Variants in PDE2A observed in about 807,000 individuals in gnomAD.
PDE2A encodes the protein cGMP-dependent 3',5'-cyclic phosphodiesterase.
In PDE2A, 53 loss-of-function variants were observed where a neutral mutation model predicts 133.6. The observed-to-expected ratio is 0.40, with a 90% CI of 0.32 to 0.50. PDE2A has a LOEUF of 0.50. Ranked by LOEUF, PDE2A falls within the 20% of genes least tolerant of loss-of-function variation. The pLI, the probability that PDE2A is intolerant of heterozygous loss-of-function variation, is 0.73. For synonymous variants in PDE2A, 491 were observed against 490.2 expected, an observed-to-expected ratio of 1.00 and a Z score of -0.02; for missense variants, 796 against 1,232.4, an observed-to-expected ratio of 0.65 and a Z score of 5.30.
chr11:72,655,083 A>G (rs1591133649), intron 1 of PDE2A, among the ~76,000 whole-genome samples: 1 of 152,144 alleles, frequency 6.6e-6, no homozygotes, highest in African/African-American at 2.4e-5. Context: ...GAATGGCAGG[A>G]GGAAGGCAGG....
In PDE2A at chr11:72,590,389, G is replaced by A; in HGVS notation, c.703+38C>T. The A allele has an allele frequency of 6.3e-7, 1 of 1,577,264 alleles. No homozygotes were observed. Among genetic ancestry groups the A allele is most frequent in the Non-Finnish European group, 8.6e-7 (1 of 1,162,204 alleles). On this transcript the variant is annotated intron_variant, in intron 8 of 30. Transcript: ENST00000334456. The surrounding 1 kb of genome is among the most constrained non-coding windows in gnomAD (Gnocchi z 4.8). ...CCCACCTCCCCTCCAAGTTCTGCCC[G>A]GCCCCGCCCTCGTGACCTGTCCAGG...
intron 17 of PDE2A, 48 bp downstream of exon 17, chr11:72,584,824 G>T (rs1565150858): frequency 1.2e-6 from 2 of 1,609,616 alleles, no homozygotes; most frequent in South Asian, 1.1e-5. Flanking sequence ...GCCGCCGGCG[G>T]ACTCCCGGAC....
chr11:72,650,250 T>C (rs1854694413), intron 1 of PDE2A, among the ~76,000 whole-genome samples: 1 of 152,060 alleles, frequency 6.6e-6, no homozygotes, highest in African/African-American at 2.4e-5. Context: ...CTTGAAGTCC[T>C]GACCTCAAGT....
chr11:72,603,655 G>A (rs1274115556), intron 4 of PDE2A, among the ~76,000 whole-genome samples: 1 of 152,214 alleles, frequency 6.6e-6, no homozygotes, highest in African/African-American at 2.4e-5. Context: ...AGAGGAGAAA[G>A]GGGGACATGA....
intron 2 of PDE2A, chr11:72,636,132 C>T (rs1240160439): frequency 1.1e-5 from 13 of 1,194,280 alleles, no homozygotes; most frequent in Non-Finnish European, 1.3e-5. Context: ...AGCCAGAGTA[C>T]AGGCTCTGCA....
intron 2 of PDE2A, among the ~76,000 whole-genome samples, chr11:72,632,037 A>G (rs1591104401): frequency 6.6e-6 from 1 of 152,026 alleles, no homozygotes; most frequent in Admixed American, 6.5e-5. Flanking sequence ...GGGGACTGGG[A>G]GGGGGAGGGG....
chr11:72,620,617 C>T (rs1183500012), intron 2 of PDE2A, among the ~76,000 whole-genome samples: 1 of 152,168 alleles, frequency 6.6e-6, no homozygotes, highest in African/African-American at 2.4e-5. Context: ...CACTTTGACA[C>T]CTGTGCCTCA....
intron 14 of PDE2A, 54 bp downstream of exon 14, chr11:72,586,016 G>C: frequency 9.6e-7 from 1 of 1,046,502 alleles, no homozygotes; most frequent in Middle Eastern, 2.0e-4. Context: ...TGGCTCTCGG[G>C]GCTGAAAACT....
chr11:72,629,551 C>A (rs1435885500), intron 2 of PDE2A, among the ~76,000 whole-genome samples: 2 of 152,202 alleles, frequency 1.3e-5, no homozygotes, highest in East Asian at 3.9e-4. Flanking sequence ...TGTGGCTTTC[C>A]AGGCCCTCCC....
At chr11:72,625,904 G>A (rs898099653) in intron 2 of PDE2A, among the ~76,000 whole-genome samples, 1 of 152,224 alleles carries the variant, frequency 6.6e-6, no homozygotes, top group Non-Finnish European at 1.5e-5. Flanking sequence ...CCCGGGAAAC[G>A]GAACTTGTTC....
chr11:72,608,260 C>T (rs1324993384), intron 3 of PDE2A, among the ~76,000 whole-genome samples: 2 of 152,162 alleles, frequency 1.3e-5, no homozygotes, highest in Non-Finnish European at 2.9e-5. Flanking sequence ...TATTCTAGTA[C>T]CTCCCAGACC....
chr11:72,588,763 C>A, intron 13 of PDE2A, 21 bp downstream of exon 13: 1 of 1,578,292 alleles, frequency 6.3e-7, no homozygotes, highest in Non-Finnish European at 8.6e-7. Flanking sequence ...TCCTGATCTG[C>A]ATCATCCCAC....
chr11:72,577,159 C>G lies in PDE2A; in HGVS notation c.*225G>C. The G allele has an allele frequency of 8.8e-6, 5 of 565,456 alleles. No homozygotes were observed. Among genetic ancestry groups the G allele is most frequent in the Non-Finnish European group, 1.3e-5 (4 of 317,034 alleles). The allele number at this position is 565,456 out of a possible 1,614,324, so 35.0% of individuals were successfully genotyped here. ...TAGGGCCCACTGCTCATTGGTCACC[C>G]CTGTGCTCTCAGAAAACAAATTACA... is the stretch of plus-strand genomic sequence containing the variant. On this transcript the variant is annotated 3_prime_UTR_variant, in exon 31 of 31. Transcript: ENST00000334456.
At chr11:72,626,565 G>A (rs2135407217) in intron 2 of PDE2A, among the ~76,000 whole-genome samples, 1 of 152,284 alleles carries the variant, frequency 6.6e-6, no homozygotes, top group Non-Finnish European at 1.5e-5. Flanking sequence ...CTACAGCGCG[G>A]CCCCTCCAGC....
At chr11:72,579,497 T>C (rs1220585850) in intron 26 of PDE2A, 37 bp downstream of exon 26, 1 of 1,564,524 alleles carries the variant, frequency 6.4e-7, no homozygotes, top group Non-Finnish European at 8.7e-7. Context: ...AGCTCCCAGC[T>C]CCCCCTCAAT....
At chr11:72,658,784 A>G (rs979789099) in intron 1 of PDE2A, among the ~76,000 whole-genome samples, 6 of 152,218 alleles carry the variant, frequency 3.9e-5, no homozygotes, top group African/African-American at 1.4e-4. Flanking sequence ...TTGAGATACA[A>G]CAATGAACAA....
Position 72,590,411 on chromosome 11 carries a change from C to A in PDE2A, c.703+16G>T, listed in dbSNP as rs1235035930. The A allele has an allele frequency of 2.5e-6, 4 of 1,576,206 alleles. No individual in the cohort carries two copies. Among genetic ancestry groups the A allele is most frequent in the Non-Finnish European group, 3.4e-6 (4 of 1,161,766 alleles). ...CCCGGCCCCGCCCTCGTGACCTGTC[C>A]AGGCCGGGCCCTCACCGCACAGTTG... is the stretch of plus-strand genomic sequence containing the variant. On this transcript the variant is annotated intron_variant, in intron 8 of 30. Transcript: ENST00000334456. The surrounding 1 kb of genome is among the most constrained non-coding windows in gnomAD (Gnocchi z 4.8).
intron 2 of PDE2A, among the ~76,000 whole-genome samples, chr11:72,625,168 A>G (rs1248806626): frequency 2.0e-5 from 3 of 152,178 alleles, no homozygotes; most frequent in Admixed American, 6.5e-5. Flanking sequence ...GGCCAGCAGG[A>G]ACCCTGGGCC....
intron 2 of PDE2A, among the ~76,000 whole-genome samples, chr11:72,609,485 C>G (rs1225379637): frequency 1.3e-5 from 2 of 152,290 alleles, no homozygotes; most frequent in East Asian, 3.9e-4. Flanking sequence ...GGGAGAACAG[C>G]TGGGCCACCC....
Sources: allele counts gnomAD v4.1 joint callset (sites outside exome capture counted in the v4.1 genomes callset), GRCh38; gene constraint gnomAD v4.1.1; non-coding constraint Gnocchi (gnomAD v3.1); transcripts MANE v1.5; gene names NCBI Gene and HGNC (gene_info 2026-07-23, HGNC 2026-07-21).